TTC39C: variants seen among roughly 807,000 people sequenced by gnomAD.
TTC39C encodes the protein tetratricopeptide repeat protein 39C.
In TTC39C, 33 loss-of-function variants were observed where a neutral mutation model predicts 76.3. The ratio of observed to expected loss-of-function variants is 0.43; its 90% CI spans 0.33 to 0.58. The LOEUF (loss-of-function observed/expected upper bound fraction) is 0.58, where lower values mean the gene tolerates loss of function less well. Among genes scored for constraint, TTC39C ranks in the 20% least tolerant of loss-of-function variants. The pLI, the probability that TTC39C is intolerant of heterozygous loss-of-function variation, is 0.04. For missense variants in TTC39C, 595 were observed against 701.4 expected (o/e 0.85, Z 1.71); for synonymous variants, 254 against 260.6 (o/e 0.97, Z 0.24).
At chr18:23,999,369 C>T (rs930682075) in intron 1 of TTC39C, among the ~76,000 whole-genome samples, 1 of 152,116 alleles carries the variant, frequency 6.6e-6, no homozygotes, top group African/African-American at 2.4e-5. Context: ...GTCACAGCCA[C>T]GCAGGACTCT....
chr18:23,994,312 CAAAAAAAA>C (rs74271367), intron 1 of TTC39C: 2 of 114,676 alleles, frequency 1.7e-5, no homozygotes, highest in Non-Finnish European at 3.9e-5. Context: ...TTGTAGTAAC[CAAAAAAAA>C]AAAAAAAAAT....
At chr18:24,015,494 C>T (rs1439086990) in intron 1 of TTC39C, among the ~76,000 whole-genome samples, 1 of 152,276 alleles carries the variant, frequency 6.6e-6, no homozygotes, top group Non-Finnish European at 1.5e-5. Context: ...CTGCTCCTCG[C>T]GCCTCGCATG....
intron 6 of TTC39C, among the ~76,000 whole-genome samples, chr18:24,112,384 T>C (rs1160583645): frequency 6.6e-6 from 1 of 152,218 alleles, no homozygotes; most frequent in Non-Finnish European, 1.5e-5. Flanking sequence ...TGACTATTAG[T>C]CAATTGTTAC....
intron 1 of TTC39C, among the ~76,000 whole-genome samples, chr18:23,996,433 G>A (rs2083262086): frequency 6.6e-6 from 1 of 152,208 alleles, no homozygotes; most frequent in Non-Finnish European, 1.5e-5. Flanking sequence ...TGTGGGCACT[G>A]GCTAATTAAA....
chr18:24,021,498 A>T (rs191958713), intron 1 of TTC39C, among the ~76,000 whole-genome samples: 4 of 144,528 alleles, frequency 2.8e-5, no homozygotes, highest in African/African-American at 1.0e-4. Context: ...CTTGAAGTGG[A>T]TTTGATGATT....
chr18:24,008,367 T>A (rs1193071336), intron 1 of TTC39C, among the ~76,000 whole-genome samples: 2 of 152,352 alleles, frequency 1.3e-5, no homozygotes, highest in East Asian at 3.9e-4. Flanking sequence ...TTCTTCCTCC[T>A]GCAGTCAGGG....
At chr18:24,092,143 G>A (rs1159948888) in intron 6 of TTC39C, among the ~76,000 whole-genome samples, 4 of 129,048 alleles carry the variant, frequency 3.1e-5, no homozygotes, top group Non-Finnish European at 5.1e-5. Context: ...AATAGACAAC[G>A]GATCTGAAGA....
At chr18:24,127,361 T>G (rs2085064510) in intron 10 of TTC39C, among the ~76,000 whole-genome samples, 1 of 152,204 alleles carries the variant, frequency 6.6e-6, no homozygotes, top group Admixed American at 6.5e-5. Context: ...CTCCCAGTTT[T>G]GTGCATTTAG....
intron 1 of TTC39C, among the ~76,000 whole-genome samples, chr18:23,997,868 C>T (rs1041289308): frequency 3.4e-5 from 5 of 148,066 alleles, no homozygotes; most frequent in Admixed American, 6.7e-5. Context: ...AGTGAGACCC[C>T]GTCTGAAAAA....
chr18:24,123,313 C>G (rs1005858704), intron 8 of TTC39C, among the ~76,000 whole-genome samples: 3 of 152,218 alleles, frequency 2.0e-5, no homozygotes, highest in African/African-American at 7.2e-5. Context: ...CCCAAAAGCT[C>G]TGGGAACACA....
chr18:24,038,084 C>A (rs1393092549), intron 1 of TTC39C, among the ~76,000 whole-genome samples: 1 of 152,092 alleles, frequency 6.6e-6, no homozygotes, highest in Non-Finnish European at 1.5e-5. Context: ...AATTCAAAAC[C>A]AAATTCTGCA....
rs1373992553 is a variant in TTC39C at position 24,105,521 on chromosome 18, T to TA, written c.985-9032dup. On this transcript the variant is annotated intron_variant, in intron 6 of 13. Transcript: ENST00000317571. ...ACACACACATGCCTGCACATACACATACATGCACACACACACTTGCAGGCA... is the reference window on the plus strand; with the variant it reads ...ACACACACATGCCTGCACATACACATAACATGCACACACACACTTGCAGGCA... Among the ~76,000 whole-genome samples, 4 of 152,296 alleles carry TA rather than the reference T, an allele frequency of 2.6e-5. No individual in the cohort carries two copies. The East Asian group carries it at 7.7e-4, about 29-fold the overall frequency.
At chr18:24,052,918 C>T (rs2083970700) in intron 1 of TTC39C, among the ~76,000 whole-genome samples, 1 of 152,154 alleles carries the variant, frequency 6.6e-6, no homozygotes. Flanking sequence ...GAGATAGAGC[C>T]ACTGGGATTA....
chr18:24,061,543 C>G (rs2037930769), intron 1 of TTC39C, among the ~76,000 whole-genome samples: 1 of 137,806 alleles, frequency 7.3e-6, no homozygotes, highest in South Asian at 2.3e-4. Context: ...TGGTCCACAA[C>G]TGATTAGGAT....
chr18:24,051,541 A>G (rs1325279191), intron 1 of TTC39C, among the ~76,000 whole-genome samples: 1 of 152,226 alleles, frequency 6.6e-6, no homozygotes, highest in African/African-American at 2.4e-5. Context: ...GAGTCTGAAC[A>G]GAAGACTGGA....
intron 1 of TTC39C, among the ~76,000 whole-genome samples, chr18:24,024,006 A>ATTTTT (rs1568409124): frequency 3.5e-4 from 2 of 5,782 alleles, no homozygotes; most frequent in Non-Finnish European, 6.3e-4. Context: ...ATATATATAT[A>ATTTTT]TATATATATA....
intron 1 of TTC39C, among the ~76,000 whole-genome samples, chr18:24,033,313 T>A (rs1329312370): frequency 3.9e-5 from 6 of 152,230 alleles, no homozygotes; most frequent in Non-Finnish European, 8.8e-5. Flanking sequence ...TTTGGTAGCC[T>A]TGTCTTCCAT....
At chr18:24,009,226 A>T (rs1298997705) in intron 1 of TTC39C, among the ~76,000 whole-genome samples, 1 of 152,184 alleles carries the variant, frequency 6.6e-6, no homozygotes, top group African/African-American at 2.4e-5. Context: ...ATTCTAGTGG[A>T]AAGATTTTTT....
intron 1 of TTC39C, among the ~76,000 whole-genome samples, chr18:24,002,052 C>A (rs987743698): frequency 3.3e-5 from 5 of 152,092 alleles, no homozygotes; most frequent in Non-Finnish European, 2.9e-5. Flanking sequence ...GCTTACTTAT[C>A]CCCTGAGGCA....
Sources: gnomAD v4.1 joint callset for allele counts (sites outside exome capture counted in the v4.1 genomes callset) on GRCh38, gnomAD v4.1.1 for gene constraint, MANE v1.5 for transcripts, NCBI Gene and HGNC (gene_info 2026-07-23, HGNC 2026-07-21) for gene names.